The following SRBD1 variants were observed in gnomAD, a reference collection of about 807,000 sequenced individuals.
SRBD1 encodes S1 RNA-binding domain-containing protein 1.
Under a neutral mutation model 115.3 loss-of-function variants are expected in SRBD1, and 88 were observed. The observed-to-expected ratio is 0.76, with a 90% CI of 0.64 to 0.91. The LOEUF (loss-of-function observed/expected upper bound fraction) is 0.91, where lower values mean the gene tolerates loss of function less well. Ranked by LOEUF, SRBD1 falls within the 40% of genes least tolerant of loss-of-function variation. SRBD1 has a pLI of 0.00. For missense variants in SRBD1, 1,385 were observed against 1,177.4 expected (o/e 1.18, Z -2.58); for synonymous variants, 509 against 407.7 (o/e 1.25, Z -2.99).
chr2:45,413,394 G>A (rs1028063241), intron 18 of SRBD1, 101 bp from the exon 19 acceptor site: 22 of 1,337,420 alleles, frequency 1.6e-5, no homozygotes, highest in Admixed American at 1.2e-4. Flanking sequence ...ACAAATATGC[G>A]AAAACAGCAA....
rs552193171 is a variant in SRBD1, at chr2:45,556,022, C to A, written c.1410-2292G>T. On this transcript the variant is annotated intron_variant, in intron 10 of 20. Transcript: ENST00000263736. ...TACTTATCTTAGGCTAGGAAATGAACTACATTTCACTGAACAAACATTTAA... is the reference window on the plus strand; with the variant it reads ...TACTTATCTTAGGCTAGGAAATGAAATACATTTCACTGAACAAACATTTAA... Among the ~76,000 whole-genome samples, 6 of 152,294 alleles carry A rather than the reference C, an allele frequency of 3.9e-5. No individual in the cohort carries two copies. In the East Asian group the frequency reaches 7.7e-4, roughly 20 times the overall value.
intron 19 of SRBD1, among the ~76,000 whole-genome samples, chr2:45,393,524 G>T (rs1417728002): frequency 1.3e-5 from 2 of 152,100 alleles, no homozygotes; most frequent in East Asian, 3.9e-4. Context: ...GGGACTACAG[G>T]CACCCGCCAC....
At chr2:45,533,655 C>G (rs563719998) in intron 14 of SRBD1, among the ~76,000 whole-genome samples, 1 of 151,892 alleles carries the variant, frequency 6.6e-6, no homozygotes, top group Non-Finnish European at 1.5e-5. Flanking sequence ...ACTGTACATA[C>G]GCAAACAGAT....
chr2:45,597,255 C>T (rs1171139198), intron 4 of SRBD1, among the ~76,000 whole-genome samples: 1 of 152,026 alleles, frequency 6.6e-6, no homozygotes, highest in Non-Finnish European at 1.5e-5. Context: ...CGTGTCTCTA[C>T]TAAAAATACA....
chr2:45,586,009 T>C, intron 4 of SRBD1, among the ~76,000 whole-genome samples: 1 of 152,210 alleles, frequency 6.6e-6, no homozygotes, highest in Non-Finnish European at 1.5e-5. Context: ...ATCATTCAAA[T>C]TCCAGTGTTC....
At chr2:45,517,721 G>A (rs945345584) in intron 14 of SRBD1, among the ~76,000 whole-genome samples, 5 of 152,180 alleles carry the variant, frequency 3.3e-5, no homozygotes, top group Admixed American at 2.0e-4. Flanking sequence ...AAGGCTGGGC[G>A]TGGTGGCTCA....
At chr2:45,495,429 G>A (rs1375008768) in intron 14 of SRBD1, among the ~76,000 whole-genome samples, 3 of 152,174 alleles carry the variant, frequency 2.0e-5, no homozygotes, top group East Asian at 1.9e-4. Flanking sequence ...AAAGAATGGC[G>A]TAAGCAGAAA....
At chr2:45,442,755 A>G (rs1668708904) in intron 16 of SRBD1, among the ~76,000 whole-genome samples, 1 of 152,218 alleles carries the variant, frequency 6.6e-6, no homozygotes, top group South Asian at 2.1e-4. Context: ...TTTGGGTTTT[A>G]AAGTGAATCA....
At chr2:45,506,423 G>C (rs1670799391) in intron 14 of SRBD1, among the ~76,000 whole-genome samples, 1 of 152,146 alleles carries the variant, frequency 6.6e-6, no homozygotes, top group South Asian at 2.1e-4. Flanking sequence ...AGTGCCAACA[G>C]AAAGGCCTTT....
Position 45,553,653 on chromosome 2 carries a change from A to C in SRBD1, c.1487T>G (p.Leu496Arg), listed in dbSNP as rs755399139. ...YNSLNDSFKR[L>R]IYPLLCREFR... ...TTCTCTACAGAGAAGAGGATAAATA[A>C]GGCGTTTAAAGGAATCATTCAGTGA... Residue 496 changes from leucine (L) to arginine (R), a missense_variant, in exon 11 of 21, where the codon CTT (leucine) becomes CGT (arginine). Transcript: ENST00000263736. 2.5e-6 allele frequency: 4 copies of C among 1,604,916 alleles called. No individual in the cohort carries two copies. The highest frequency in any genetic ancestry group is 3.5e-5 in the Admixed American group (2 of 57,960).
At chr2:45,415,533 C>T (rs1003140287) in intron 18 of SRBD1, among the ~76,000 whole-genome samples, 14 of 142,884 alleles carry the variant, frequency 9.8e-5, no homozygotes, top group African/African-American at 2.8e-4. Flanking sequence ...TATATACACA[C>T]GTATATACAC....
chr2:45,579,852 ATCT>A lies in SRBD1; in HGVS notation c.1072+20_1072+22del. 6.7e-7 allele frequency: 1 copy of A among 1,497,942 alleles called. No homozygotes were observed. The highest frequency in any genetic ancestry group is 8.9e-7 in the Non-Finnish European group (1 of 1,125,090). The allele number at this position is 1,497,942 out of a possible 1,614,324, so 92.8% of individuals were successfully genotyped here. On this transcript the variant is annotated intron_variant, in intron 7 of 20. Coordinates refer to ENST00000263736, the MANE Select transcript of SRBD1 (RefSeq NM_018079.5). ...AAAAAAAAAAAAAGAAACAAAGTTGATCTCTGTAAATAAAGCCAGTACCTTTAA... is the reference window on the plus strand; with the variant it reads ...AAAAAAAAAAAAAGAAACAAAGTTGACTGTAAATAAAGCCAGTACCTTTAA...
chr2:45,571,278 T>G (rs1673000109), intron 9 of SRBD1, among the ~76,000 whole-genome samples: 1 of 152,100 alleles, frequency 6.6e-6, no homozygotes, highest in Non-Finnish European at 1.5e-5. Flanking sequence ...TAGGGTTTAT[T>G]TTGTTTTTGT....
chr2:45,415,019 T>TAC (rs1224752974), intron 18 of SRBD1, among the ~76,000 whole-genome samples: 1 of 83,660 alleles, frequency 1.2e-5, no homozygotes, highest in East Asian at 3.4e-4. Flanking sequence ...AGTATGTATA[T>TAC]ACACACATAT....
chr2:45,486,067 T>C (rs1270892490), intron 15 of SRBD1, among the ~76,000 whole-genome samples: 1 of 152,224 alleles, frequency 6.6e-6, no homozygotes, highest in Admixed American at 6.5e-5. Context: ...ATTAGAGTAA[T>C]TAGAATCATA....
chr2:45,565,369 C>A (rs185369490), intron 9 of SRBD1, among the ~76,000 whole-genome samples: 41 of 152,200 alleles, frequency 2.7e-4, no homozygotes, highest in African/African-American at 9.9e-4. Context: ...CAAGATAATT[C>A]AATGAAGAAA....
chr2:45,453,148 G>A lies in SRBD1; in HGVS notation c.2049+23845C>T, dbSNP rs570465021. Among the ~76,000 whole-genome samples the A allele has an allele frequency of 1.3e-4, 19 of 151,700 alleles. No individual in the cohort carries two copies. The South Asian group carries it at 3.5e-3, about 28-fold the overall frequency. ...AGATGCTTGGCAGCAACAAACTCTAGGTCTAGGCAAAACATCTGGTTTGAG... is the reference window on the plus strand; with the variant it reads ...AGATGCTTGGCAGCAACAAACTCTAAGTCTAGGCAAAACATCTGGTTTGAG... On this transcript the variant is annotated intron_variant, in intron 16 of 20. Coordinates refer to ENST00000263736, the MANE Select transcript of SRBD1 (RefSeq NM_018079.5).
intron 5 of SRBD1, among the ~76,000 whole-genome samples, chr2:45,584,371 T>G (rs1040330104): frequency 6.6e-6 from 1 of 152,210 alleles, no homozygotes; most frequent in African/African-American, 2.4e-5. Context: ...CTGAGACTAT[T>G]TGATTTAGTC....
chr2:45,577,811 T>C (rs1179243987), intron 7 of SRBD1, among the ~76,000 whole-genome samples: 1 of 151,896 alleles, frequency 6.6e-6, no homozygotes, highest in African/African-American at 2.4e-5. Flanking sequence ...GAGAAAACAT[T>C]CCTATCAAAC....
Sources: allele counts gnomAD v4.1 joint callset (sites outside exome capture counted in the v4.1 genomes callset), GRCh38; gene constraint gnomAD v4.1.1; transcripts MANE v1.5; gene names NCBI Gene and HGNC (gene_info 2026-07-23, HGNC 2026-07-21).